ARB2A: variants seen among roughly 807,000 people sequenced by gnomAD.
ARB2A encodes the protein ARB2 cotranscriptional regulator A, also known as cotranscriptional regulator ARB2A.
At chr5:94,062,390 T>C in the ARB2A span, among the ~76,000 whole-genome samples, 8 of 152,022 alleles carry the variant, frequency 5.3e-5, no homozygotes, top group East Asian at 1.5e-3. Context: ...GATAGAACAC[T>C]CTAATTTAAT....
chr5:93,745,821 T>C, the ARB2A span, among the ~76,000 whole-genome samples: 1 of 151,966 alleles, frequency 6.6e-6, no homozygotes, highest in East Asian at 1.9e-4. Flanking sequence ...TCCTAGTAAG[T>C]TAGCACTGAC....
the ARB2A span, chr5:93,618,942 C>T: frequency 3.0e-4 from 45 of 152,248 alleles, no homozygotes; most frequent in Middle Eastern, 3.4e-3. Flanking sequence ...AGAAGCTTCG[C>T]CAATTTAGCA....
At chr5:93,824,377 T>C in the ARB2A span, 6 of 626,264 alleles carry the variant, frequency 9.6e-6, no homozygotes, top group African/African-American at 3.9e-5. Context: ...ACAATGGTTA[T>C]AGCTCATTCA....
the ARB2A span, among the ~76,000 whole-genome samples, chr5:93,635,056 G>A: frequency 6.6e-6 from 1 of 152,312 alleles, no homozygotes; most frequent in African/African-American, 2.4e-5. Flanking sequence ...TTACAGGCAT[G>A]AGCCACCGCA....
chr5:93,894,840 A>G, the ARB2A span, among the ~76,000 whole-genome samples: 2 of 152,172 alleles, frequency 1.3e-5, no homozygotes, highest in African/African-American at 4.8e-5. Context: ...GATCTTGTCA[A>G]ATAATAAAGT....
the ARB2A span, among the ~76,000 whole-genome samples, chr5:93,853,037 T>C: frequency 6.6e-6 from 1 of 152,224 alleles, no homozygotes; most frequent in Admixed American, 6.5e-5. Context: ...GATCTATAAA[T>C]TACCTTGGGC....
the ARB2A span, among the ~76,000 whole-genome samples, chr5:93,688,147 T>A: frequency 3.9e-5 from 6 of 152,080 alleles, no homozygotes; most frequent in Non-Finnish European, 8.8e-5. Context: ...CTAATTTTTG[T>A]ATTTTTAGTA....
chr5:93,826,590 G>A, the ARB2A span, among the ~76,000 whole-genome samples: 2 of 151,774 alleles, frequency 1.3e-5, no homozygotes, highest in South Asian at 2.1e-4. Context: ...CTTTTAAAAT[G>A]TTTTTTTAAT....
At chr5:93,741,351 T>C in the ARB2A span, 2 of 1,611,322 alleles carry the variant, frequency 1.2e-6, no homozygotes, top group African/African-American at 2.7e-5. Context: ...AGCCCCGGAA[T>C]TCGTGTGGCA....
chr5:94,091,604 T>C, the ARB2A span, among the ~76,000 whole-genome samples: 4 of 152,322 alleles, frequency 2.6e-5, no homozygotes, highest in African/African-American at 4.8e-5. Flanking sequence ...GGAAAACATA[T>C]GGCTCATCTC....
At chr5:93,958,612 G>A in the ARB2A span, among the ~76,000 whole-genome samples, 2 of 151,904 alleles carry the variant, frequency 1.3e-5, no homozygotes, top group South Asian at 4.2e-4. Context: ...GTGTTTCTTT[G>A]TAACTGCAAA....
the ARB2A span, chr5:93,881,312 G>T: frequency 1.9e-6 from 1 of 536,550 alleles, no homozygotes; most frequent in Non-Finnish European, 3.2e-6. Context: ...TTGTAATTCT[G>T]AATTTAAAAA....
the ARB2A span, among the ~76,000 whole-genome samples, chr5:94,008,134 G>A: frequency 2.6e-5 from 4 of 152,142 alleles, no homozygotes; most frequent in Admixed American, 1.3e-4. Flanking sequence ...TCTACAAAGA[G>A]AGAAGCATTT....
At chr5:93,947,027 T>C in the ARB2A span, among the ~76,000 whole-genome samples, 1 of 152,220 alleles carries the variant, frequency 6.6e-6, no homozygotes, top group Admixed American at 6.5e-5. Flanking sequence ...TGTGCTATAT[T>C]CTGCATACTG....
At chr5:93,918,090 T>C in the ARB2A span, among the ~76,000 whole-genome samples, 2 of 152,302 alleles carry the variant, frequency 1.3e-5, no homozygotes, top group East Asian at 1.9e-4. Flanking sequence ...CTGAATACCA[T>C]TTCTTTATTC....
chr5:93,853,881 T>C, the ARB2A span, among the ~76,000 whole-genome samples: 55 of 152,332 alleles, frequency 3.6e-4, no homozygotes, highest in African/African-American at 1.3e-3. Context: ...TGAGGATTTT[T>C]GCATCAATGT....
At chr5:93,972,005 G>T in the ARB2A span, among the ~76,000 whole-genome samples, 1 of 152,190 alleles carries the variant, frequency 6.6e-6, no homozygotes, top group Non-Finnish European at 1.5e-5. Flanking sequence ...GACGAGGGGA[G>T]TAATCTCTCG....
the ARB2A span, chr5:93,862,984 T>G: frequency 6.6e-6 from 1 of 152,132 alleles, no homozygotes; most frequent in Non-Finnish European, 1.5e-5. Context: ...GTTTGTTTGT[T>G]TTCCTAGAAG....
chr5:93,831,193 C>A, the ARB2A span, among the ~76,000 whole-genome samples: 1 of 152,044 alleles, frequency 6.6e-6, no homozygotes, highest in South Asian at 2.1e-4. Flanking sequence ...TGGACTGGTA[C>A]CCATCTGTGA....
Sources: allele counts gnomAD v4.1 joint callset (sites outside exome capture counted in the v4.1 genomes callset), GRCh38; gene constraint gnomAD v4.1.1; transcripts MANE v1.5; gene names NCBI Gene and HGNC (gene_info 2026-07-23, HGNC 2026-07-21).